KDM4C: variants seen among roughly 807,000 people sequenced by gnomAD.
KDM4C encodes lysine-specific demethylase 4C.
A neutral mutation model predicts 129.3 loss-of-function variants in KDM4C; 81 were observed. That is an observed-to-expected ratio of 0.63 (90% CI 0.52 to 0.75). The LOEUF (loss-of-function observed/expected upper bound fraction) is 0.75. Ranked by LOEUF, KDM4C falls within the 30% of genes least tolerant of loss-of-function variation. The probability of loss-of-function intolerance (pLI) is 0.00; values close to 1 mark genes in which losing one functional copy is unlikely to be tolerated. For missense variants in KDM4C, 1,457 were observed against 1,304.0 expected, an observed-to-expected ratio of 1.12 and a Z score of -1.81; for synonymous variants, 573 against 456.1, an observed-to-expected ratio of 1.26 and a Z score of -3.26.
intron 18 of KDM4C, among the ~76,000 whole-genome samples, chr9:7,108,470 C>T (rs971850855): frequency 3.3e-5 from 5 of 152,134 alleles, no homozygotes; most frequent in East Asian, 1.9e-4. Flanking sequence ...CTTTTGGACT[C>T]GAGCGATCCA....
At chr9:6,865,919 A>G (rs1841880841) in intron 5 of KDM4C, among the ~76,000 whole-genome samples, 2 of 151,324 alleles carry the variant, frequency 1.3e-5, no homozygotes, top group African/African-American at 2.4e-5. Context: ...ATGCCTGGCT[A>G]ATTTTTTGTA....
intron 5 of KDM4C, among the ~76,000 whole-genome samples, chr9:6,853,671 T>C (rs1376017455): frequency 6.6e-6 from 1 of 152,182 alleles, no homozygotes; most frequent in Non-Finnish European, 1.5e-5. Context: ...AGCTGATGAT[T>C]TATTTGAACA....
chr9:6,950,539 G>C (rs1422062983), intron 8 of KDM4C, among the ~76,000 whole-genome samples: 3 of 152,132 alleles, frequency 2.0e-5, no homozygotes, highest in African/African-American at 4.8e-5. Context: ...TAAATTCAAA[G>C]CAAATTTAAG....
chr9:7,169,933 TCCTTGTCCTCA>T, intron 21 of KDM4C, 43 bp downstream of exon 21: 5 of 1,612,368 alleles, frequency 3.1e-6, no homozygotes, highest in Non-Finnish European at 4.2e-6. Flanking sequence ...CCAAGTGAAT[TCCTTGTCCTCA>T]CCTCATGTTT....
intron 4 of KDM4C, among the ~76,000 whole-genome samples, chr9:6,830,223 A>C (rs1834584789): frequency 6.6e-6 from 1 of 152,254 alleles, no homozygotes; most frequent in South Asian, 2.1e-4. Context: ...ATGTGAGGAA[A>C]CCAGGATAAC....
At chr9:6,964,226 C>T (rs1318975010) in intron 8 of KDM4C, among the ~76,000 whole-genome samples, 1 of 151,846 alleles carries the variant, frequency 6.6e-6, no homozygotes, top group Non-Finnish European at 1.5e-5. Flanking sequence ...TCTTCTATTG[C>T]TATCCCTCCC....
chr9:6,796,973 G>T (rs1393749007), intron 2 of KDM4C, among the ~76,000 whole-genome samples: 2 of 149,444 alleles, frequency 1.3e-5, no homozygotes, highest in Admixed American at 1.3e-4. Context: ...CACCCATGAT[G>T]TTCTTTGTTA....
In KDM4C at chr9:6,981,125, A is replaced by T; in HGVS notation, c.1115+7A>T. The T allele has an allele frequency of 6.2e-7, 1 of 1,601,992 alleles. No homozygotes were observed. Among genetic ancestry groups the T allele is most frequent in the Non-Finnish European group, 8.5e-7 (1 of 1,174,626 alleles). On this transcript the variant is annotated splice_region_variant and intron_variant, in intron 9 of 21. Coordinates refer to ENST00000381309, the MANE Select transcript of KDM4C (RefSeq NM_015061.6). Reference sequence around the variant, plus strand: ...TAAGAAAAGCATCCCGAAGGTAATGACCCCTCACCCCACTGACCTGCCTTG... The same window carrying T: ...TAAGAAAAGCATCCCGAAGGTAATGTCCCCTCACCCCACTGACCTGCCTTG...
intron 11 of KDM4C, 178 bp downstream of exon 11, chr9:6,986,844 C>T: frequency 1.9e-6 from 1 of 525,200 alleles, no homozygotes; most frequent in Non-Finnish European, 3.3e-6. Context: ...AGCTGTGGCT[C>T]ACATAGTGAT....
At chr9:6,752,521 C>G (rs1818108291) in intron 1 of KDM4C, among the ~76,000 whole-genome samples, 1 of 150,126 alleles carries the variant, frequency 6.7e-6, no homozygotes, top group Non-Finnish European at 1.5e-5. Flanking sequence ...AGCGATTCTC[C>G]TGCCTCAGCC....
intron 8 of KDM4C, among the ~76,000 whole-genome samples, chr9:6,931,017 T>C (rs181710731): frequency 1.0e-3 from 154 of 152,310 alleles, no homozygotes; most frequent in African/African-American, 3.5e-3. Context: ...TCTTTGCCTG[T>C]GACTGATGTC....
chr9:6,912,488 A>G (rs531353833), intron 8 of KDM4C, among the ~76,000 whole-genome samples: 4 of 152,332 alleles, frequency 2.6e-5, no homozygotes, highest in East Asian at 3.9e-4. Flanking sequence ...GAATGAATGA[A>G]TACAAATGCC....
chr9:6,721,371 C>T (rs1816949418), intron 1 of KDM4C, among the ~76,000 whole-genome samples: 1 of 149,448 alleles, frequency 6.7e-6, no homozygotes, highest in African/African-American at 2.5e-5. Context: ...GCAACCTTCA[C>T]CTCTCAGGTT....
At chr9:6,847,198 TATG>T (rs1228210680) in intron 4 of KDM4C, among the ~76,000 whole-genome samples, 1 of 152,248 alleles carries the variant, frequency 6.6e-6, no homozygotes, top group Non-Finnish European at 1.5e-5. Flanking sequence ...GTTCCTATAA[TATG>T]GTGCTCATTT....
chr9:7,110,644 C>A (rs118019043), intron 18 of KDM4C, among the ~76,000 whole-genome samples: 1 of 152,176 alleles, frequency 6.6e-6, no homozygotes, highest in Non-Finnish European at 1.5e-5. Flanking sequence ...CAGGGGGCCT[C>A]TGCTTTTCTG....
At chr9:6,887,660 G>A (rs1316538223) in intron 6 of KDM4C, among the ~76,000 whole-genome samples, 1 of 152,100 alleles carries the variant, frequency 6.6e-6, no homozygotes, top group Non-Finnish European at 1.5e-5. Flanking sequence ...TCAGATAATA[G>A]ATTGAATCCA....
At chr9:7,099,542 T>C (rs1202052631) in intron 17 of KDM4C, among the ~76,000 whole-genome samples, 1 of 152,242 alleles carries the variant, frequency 6.6e-6, no homozygotes, top group Non-Finnish European at 1.5e-5. Flanking sequence ...AAAAAAATCA[T>C]TGCACTTCCT....
At position 6,837,291 on chromosome 9, in the gene KDM4C, C is replaced by G. The variant is rs1362916182; in HGVS notation, c.436-12216C>G. On this transcript the variant is annotated intron_variant, in intron 4 of 21. Coordinates refer to ENST00000381309, the MANE Select transcript of KDM4C (RefSeq NM_015061.6). ...CAGGCTTATCCCAAACTCCTGGACT[C>G]AAGTGATCGCCTGCCTCAGCCTTCC... Among the ~76,000 whole-genome samples the G allele has an allele frequency of 1.3e-5, 2 of 152,290 alleles. 1 individual carries two copies. The highest frequency in any genetic ancestry group is 3.9e-4 in the East Asian group (2 of 5,188).
chr9:7,044,063 A>G (rs1003297311), intron 15 of KDM4C, among the ~76,000 whole-genome samples: 1 of 152,034 alleles, frequency 6.6e-6, no homozygotes, highest in Non-Finnish European at 1.5e-5. Flanking sequence ...TTTACAGTTT[A>G]GTGAGGGCAG....
Sources: allele counts gnomAD v4.1 joint callset (sites outside exome capture counted in the v4.1 genomes callset), GRCh38; gene constraint gnomAD v4.1.1; transcripts MANE v1.5; gene names NCBI Gene and HGNC (gene_info 2026-07-23, HGNC 2026-07-21).